PCNP: variants seen among roughly 807,000 people sequenced by gnomAD.
PCNP encodes the protein PEST proteolytic signal-containing nuclear protein.
PCNP carries 6 observed loss-of-function variants against 21.8 expected under a neutral mutation model. The observed-to-expected ratio is 0.28, with a 90% CI of 0.15 to 0.54. The LOEUF is 0.54. Ranked by LOEUF, PCNP falls within the 20% of genes least tolerant of loss-of-function variation. PCNP has a pLI of 0.95. For missense variants in PCNP, 161 were observed against 215.5 expected, an observed-to-expected ratio of 0.75 and a Z score of 1.58; for synonymous variants, 67 against 73.2, an observed-to-expected ratio of 0.92 and a Z score of 0.43.
chr3:101,586,571 T>TGTGTGTGTGTGTGTGTGAGAGAGA, intron 3 of PCNP, among the ~76,000 whole-genome samples: 9 of 114,204 alleles, frequency 7.9e-5, no homozygotes, highest in African/African-American at 2.4e-4. Flanking sequence ...TGTGTGTGTG[T>TGTGTGTGTGTGTGTGTGAGAGAGA]GAGAGAGAGA....
At position 101,579,918 on chromosome 3, in the gene PCNP, C is replaced by G. The variant is rs1935137203; in HGVS notation, c.193C>G (p.Pro65Ala). 3 of 1,613,912 alleles carry G rather than the reference C, an allele frequency of 1.9e-6. No homozygotes were observed. The highest frequency in any genetic ancestry group is 2.5e-6 in the Non-Finnish European group (3 of 1,179,898). Reference sequence around the variant, plus strand: ...AGAAGCTGCCGACCTCCCAACAAAGCCTACAAAGATCTCCAAGTTTGGATT... The same window carrying G: ...AGAAGCTGCCGACCTCCCAACAAAGGCTACAAAGATCTCCAAGTTTGGATT... Reference protein sequence around the residue: ...EEEAADLPTKPTKISKFGFAI... With the variant: ...EEEAADLPTKATKISKFGFAI... Residue 65 changes from proline (P) to alanine (A), a missense_variant, in exon 2 of 5, where the codon CCT becomes GCT. Transcript: ENST00000265260.
At chr3:101,576,418 T>A in intron 1 of PCNP, 1 of 1,217,414 alleles carries the variant, frequency 8.2e-7, no homozygotes, top group East Asian at 2.6e-5. Flanking sequence ...TATTTTTATT[T>A]TTTATTTTTT....
intron 2 of PCNP, among the ~76,000 whole-genome samples, chr3:101,581,733 C>T (rs1935233754): frequency 6.6e-6 from 1 of 151,470 alleles, no homozygotes; most frequent in Non-Finnish European, 1.5e-5. Flanking sequence ...CGAGCTCGGC[C>T]CCTCTTTCTT....
chr3:101,575,181 C>T (rs1348863718), intron 1 of PCNP, among the ~76,000 whole-genome samples: 3 of 152,128 alleles, frequency 2.0e-5, no homozygotes, highest in Non-Finnish European at 2.9e-5. Context: ...TTAACACGTG[C>T]GAGCTGTTTA....
intron 1 of PCNP, among the ~76,000 whole-genome samples, chr3:101,577,709 A>G (rs370225200): frequency 6.6e-6 from 1 of 152,164 alleles, no homozygotes; most frequent in African/African-American, 2.4e-5. Context: ...CTTTTAGTAG[A>G]GACGGGGTTT....
intron 1 of PCNP, among the ~76,000 whole-genome samples, chr3:101,575,609 T>A (rs1190353856): frequency 6.6e-6 from 1 of 152,152 alleles, no homozygotes; most frequent in Non-Finnish European, 1.5e-5. Flanking sequence ...TAAAATTACA[T>A]AAAAGTTTAA....
intron 1 of PCNP, chr3:101,576,930 A>G: frequency 8.4e-6 from 13 of 1,547,262 alleles, no homozygotes; most frequent in South Asian, 1.1e-5. Context: ...GGAACTTTTC[A>G]GGGATCACTA....
chr3:101,575,217 TTATTCTC>T (rs1433660892), intron 1 of PCNP, among the ~76,000 whole-genome samples: 11 of 152,200 alleles, frequency 7.2e-5, no homozygotes, highest in African/African-American at 2.2e-4. Flanking sequence ...ATTTTAAACA[TTATTCTC>T]TATTCTGACC....
intron 1 of PCNP, among the ~76,000 whole-genome samples, chr3:101,577,120 C>G (rs183222492): frequency 1.3e-5 from 2 of 152,334 alleles, no homozygotes; most frequent in East Asian, 3.9e-4. Context: ...CCACCGCGCC[C>G]GGCCAACATT....
chr3:101,593,044 T>G lies in PCNP; in HGVS notation c.*291T>G. 1 of 201,310 alleles carries G rather than the reference T, an allele frequency of 5.0e-6. No individual in the cohort carries two copies. The allele number at this position is 201,310 out of a possible 1,614,324, so 12.5% of individuals were successfully genotyped here. A position where few individuals can be genotyped will look rare whatever the true frequency, so the allele number is the denominator to read the frequency against. On this transcript the variant is annotated 3_prime_UTR_variant, in exon 5 of 5. Coordinates refer to ENST00000265260, the MANE Select transcript of PCNP (RefSeq NM_020357.3). ...ACCTTTTTAAGAATTGCATATTTTTTTAGACACAACTATTAGTACATTAAG... is the reference window on the plus strand; with the variant it reads ...ACCTTTTTAAGAATTGCATATTTTTGTAGACACAACTATTAGTACATTAAG...
chr3:101,586,961 A>G (rs1194027982), intron 3 of PCNP, among the ~76,000 whole-genome samples: 1 of 152,166 alleles, frequency 6.6e-6, no homozygotes, highest in South Asian at 2.1e-4. Context: ...TGAATCAAGA[A>G]ATAATTCTGT....
At position 101,585,104 on chromosome 3, in the gene PCNP, T is replaced by C. The variant is rs575371013; in HGVS notation, c.280-333T>C. 3.3e-5 allele frequency among the ~76,000 whole-genome samples: 5 copies of C among 152,350 alleles called. No individual in the cohort carries two copies. In the South Asian group the frequency reaches 1.0e-3, roughly 32 times the overall value. On this transcript the variant is annotated intron_variant, in intron 2 of 4. Transcript: ENST00000265260. ...CCCCTTTTATGCTTTCAAGGCACAT[T>C]GTATTTAATGTTACTGTGGGAAGGT...
chr3:101,585,293 A>G, intron 2 of PCNP, 144 bp from the exon 3 acceptor site: 1 of 538,706 alleles, frequency 1.9e-6, no homozygotes, highest in Admixed American at 3.7e-5. Flanking sequence ...GAGAGAATGG[A>G]TTTGTCCAAA....
At chr3:101,581,346 C>G (rs1935209858) in intron 2 of PCNP, among the ~76,000 whole-genome samples, 6 of 151,740 alleles carry the variant, frequency 4.0e-5, no homozygotes, top group Admixed American at 3.9e-4. Context: ...TAGATGGTCC[C>G]CTTGAGAATA....
chr3:101,576,787 T>A, intron 1 of PCNP: 1 of 1,611,510 alleles, frequency 6.2e-7, no homozygotes, highest in South Asian at 1.1e-5. Flanking sequence ...TCCCGCCCTC[T>A]TGGTGAGGTC....
intron 2 of PCNP, 122 bp from the exon 3 acceptor site, chr3:101,585,315 G>A (rs936843553): frequency 1.8e-5 from 11 of 612,860 alleles, no homozygotes; most frequent in African/African-American, 1.5e-4. Flanking sequence ...TATTGGGTTC[G>A]TTACTATACA....
At chr3:101,587,460 C>G (rs1358697891) in intron 3 of PCNP, among the ~76,000 whole-genome samples, 1 of 151,950 alleles carries the variant, frequency 6.6e-6, no homozygotes, top group Non-Finnish European at 1.5e-5. Flanking sequence ...CTCATTCTAT[C>G]CATTTGAGTG....
At chr3:101,589,629 C>G (rs1164075008) in intron 3 of PCNP, 1 of 152,636 alleles carries the variant, frequency 6.6e-6, no homozygotes, top group African/African-American at 2.4e-5. Context: ...CCAGGCTGGT[C>G]TTGAACTCCT....
At chr3:101,581,089 A>ACC (rs1935196487) in intron 2 of PCNP, among the ~76,000 whole-genome samples, 1 of 152,206 alleles carries the variant, frequency 6.6e-6, no homozygotes, top group South Asian at 2.1e-4. Flanking sequence ...AGCTGTTATT[A>ACC]CTTAGAATCC....
Sources: allele counts gnomAD v4.1 joint callset (sites outside exome capture counted in the v4.1 genomes callset), GRCh38; gene constraint gnomAD v4.1.1; transcripts MANE v1.5; gene names NCBI Gene and HGNC (gene_info 2026-07-23, HGNC 2026-07-21).